EMB: variants seen among roughly 807,000 people sequenced by gnomAD.
The protein encoded by EMB is embigin.
A neutral mutation model predicts 41.4 loss-of-function variants in EMB; 31 were observed. That is an observed-to-expected ratio of 0.75 (90% CI 0.56 to 1.01). EMB has a LOEUF of 1.01. Among genes scored for constraint, EMB ranks in the 50% least tolerant of loss-of-function variants. The pLI, the probability that EMB is intolerant of heterozygous loss-of-function variation, is 0.00. For missense variants in EMB, 379 were observed against 388.3 expected (o/e 0.98, Z 0.20); for synonymous variants, 137 against 140.4 (o/e 0.98, Z 0.17).
intron 8 of EMB, 29 bp from the exon 9 acceptor site, chr5:50,399,319 A>G: frequency 6.2e-7 from 1 of 1,604,964 alleles, no homozygotes; most frequent in Non-Finnish European, 8.5e-7. Flanking sequence ...AATCAAATAT[A>G]ATTAGTATGT....
intron 2 of EMB, among the ~76,000 whole-genome samples, chr5:50,413,653 G>A (rs1475717520): frequency 2.0e-5 from 3 of 149,836 alleles, no homozygotes; most frequent in Non-Finnish European, 4.4e-5. Context: ...TCAGCTCACT[G>A]CAACCTCCGC....
chr5:50,420,989 T>C (rs537001971), intron 2 of EMB, among the ~76,000 whole-genome samples: 12 of 152,326 alleles, frequency 7.9e-5, no homozygotes, highest in Admixed American at 1.3e-4. Context: ...ATATGTGATA[T>C]AGAGGGGATT....
At chr5:50,399,792 A>C in intron 8 of EMB, 67 bp downstream of exon 8, 1 of 1,282,486 alleles carries the variant, frequency 7.8e-7, no homozygotes, top group South Asian at 1.3e-5. Flanking sequence ...AAAGTAACTG[A>C]TTGATAGATA....
chr5:50,426,527 A>G (rs1311970487), intron 2 of EMB, among the ~76,000 whole-genome samples: 2 of 152,222 alleles, frequency 1.3e-5, no homozygotes, highest in African/African-American at 4.8e-5. Flanking sequence ...GTATGTCAAG[A>G]GCCAGACCAA....
intron 2 of EMB, among the ~76,000 whole-genome samples, chr5:50,413,898 G>T (rs1194356266): frequency 4.6e-5 from 7 of 152,250 alleles, no homozygotes; most frequent in Non-Finnish European, 1.0e-4. Flanking sequence ...AAAAGGGAGA[G>T]AGATGTCTTT....
At chr5:50,403,099 A>G in intron 6 of EMB, 79 bp downstream of exon 6, 2 of 1,286,788 alleles carry the variant, frequency 1.6e-6, no homozygotes, top group Non-Finnish European at 2.1e-6. Flanking sequence ...ATCATAATCC[A>G]TATCATAAGT....
chr5:50,408,494 T>C (rs1311298939), intron 4 of EMB, among the ~76,000 whole-genome samples: 3 of 152,024 alleles, frequency 2.0e-5, no homozygotes, highest in Admixed American at 2.0e-4. Flanking sequence ...GAGGGCCTTT[T>C]ACAACTTTGT....
chr5:50,430,183 C>A (rs980150036), intron 1 of EMB, among the ~76,000 whole-genome samples: 1 of 152,138 alleles, frequency 6.6e-6, no homozygotes, highest in African/African-American at 2.4e-5. Flanking sequence ...CACTTATGGA[C>A]AGGAAGCCAG....
At chr5:50,405,600 G>A in intron 5 of EMB, 125 bp downstream of exon 5, 1 of 1,345,818 alleles carries the variant, frequency 7.4e-7, no homozygotes, top group South Asian at 1.8e-5. Flanking sequence ...ATGAACATAA[G>A]CTAAACAACA....
rs186684847 is a variant in EMB, at chr5:50,396,938, G to A, written c.*2335C>T. 6.6e-6 allele frequency: 1 copy of A among 152,184 alleles called. No individual in the cohort carries two copies. The highest frequency in any genetic ancestry group is 1.5e-5 in the Non-Finnish European group (1 of 67,996). The allele number at this position is 152,184 out of a possible 1,614,324, so 9.4% of individuals were successfully genotyped here. A position where few individuals can be genotyped will look rare whatever the true frequency, so the allele number is the denominator to read the frequency against. ...AAATATCAGAATGAGTTCTAAATTA[G>A]GGCCTGAGCAGCTAGATGTTGGGAT... On this transcript the variant is annotated 3_prime_UTR_variant, in exon 9 of 9. Transcript: ENST00000303221.
intron 1 of EMB, among the ~76,000 whole-genome samples, chr5:50,437,135 G>A (rs188336412): frequency 3.3e-5 from 5 of 152,216 alleles, no homozygotes; most frequent in Admixed American, 1.3e-4. Flanking sequence ...GCCGGGTGTG[G>A]TGGCATATGC....
intron 2 of EMB, among the ~76,000 whole-genome samples, chr5:50,423,100 T>C (rs563169598): frequency 2.2e-4 from 33 of 148,074 alleles, no homozygotes; most frequent in African/African-American, 7.5e-4. Flanking sequence ...TGCATACAAA[T>C]TAAAAAAAAA....
intron 2 of EMB, among the ~76,000 whole-genome samples, chr5:50,420,887 C>T (rs959419026): frequency 2.6e-5 from 4 of 152,142 alleles, no homozygotes; most frequent in Admixed American, 6.5e-5. Context: ...AAGTACTTTA[C>T]GGGATATGCA....
chr5:50,402,435 G>A, intron 6 of EMB, 116 bp from the exon 7 acceptor site: 3 of 939,464 alleles, frequency 3.2e-6, no homozygotes, highest in Admixed American at 3.9e-5. Flanking sequence ...TCTCCTGTTT[G>A]GAATGAAGGA....
At chr5:50,405,184 A>G (rs1745228316) in intron 5 of EMB, among the ~76,000 whole-genome samples, 1 of 151,956 alleles carries the variant, frequency 6.6e-6, no homozygotes, top group Non-Finnish European at 1.5e-5. Context: ...AAAAGGAATT[A>G]AAAGTATTTG....
At chr5:50,437,101 T>G (rs1448641608) in intron 1 of EMB, among the ~76,000 whole-genome samples, 3 of 151,804 alleles carry the variant, frequency 2.0e-5, no homozygotes, top group African/African-American at 7.3e-5. Context: ...TGAAACCCCA[T>G]CTCTACAAAA....
In EMB at chr5:50,410,880, T is replaced by A; in HGVS notation, c.469A>T (p.Lys157Ter). 5.0e-6 allele frequency: 8 copies of A among 1,584,776 alleles called. No homozygotes were observed. The highest frequency in any genetic ancestry group is 6.9e-6 in the Non-Finnish European group (8 of 1,164,432). ...EKEQRGTFNF[K>*]VPELHGKNKP... ...TCCTCAAGTTATTAATACTGACCTT[T>A]GAAATTAAATGTTCCCCTTTGTTCC... is the stretch of plus-strand genomic sequence containing the variant. The change falls in exon 4 of 9, where the codon AAA becomes TAA. Residue 157 changes from lysine (K) to a stop codon, truncating the protein, a stop_gained. Coordinates refer to ENST00000303221, the MANE Select transcript of EMB (RefSeq NM_198449.3). LOFTEE classifies it high-confidence loss of function.
rs374555919 is a variant in EMB at position 50,410,711 on chromosome 5, A to G, written c.472+166T>C. Among the ~76,000 whole-genome samples the G allele has an allele frequency of 1.1e-4, 16 of 152,308 alleles. No homozygotes were observed. In the East Asian group the frequency reaches 1.9e-3, roughly 18 times the overall value. The stretch of plus-strand genomic sequence containing the variant: ...CAGGAAGGAAGTGGACTTGGGGGAT[A>G]CAAGACCATTTTCAAGGCTGCCTCT... On this transcript the variant is annotated intron_variant, in intron 4 of 8. Coordinates refer to ENST00000303221, the MANE Select transcript of EMB (RefSeq NM_198449.3).
intron 6 of EMB, among the ~76,000 whole-genome samples, chr5:50,402,876 C>CAT (rs754399747): frequency 1.8e-5 from 1 of 54,652 alleles, no homozygotes; most frequent in Non-Finnish European, 3.6e-5. Flanking sequence ...CCAGTAGCAC[C>CAT]AAAAAAAAAA....
Sources: allele counts gnomAD v4.1 joint callset (sites outside exome capture counted in the v4.1 genomes callset), GRCh38; gene constraint gnomAD v4.1.1; transcripts MANE v1.5; gene names NCBI Gene and HGNC (gene_info 2026-07-23, HGNC 2026-07-21).